Variants in TAOK1 observed in about 807,000 individuals in gnomAD.
The protein encoded by TAOK1 is serine/threonine-protein kinase TAO1.
A neutral mutation model predicts 138.3 loss-of-function variants in TAOK1; 21 were observed. The observed-to-expected ratio is 0.15, with a 90% CI of 0.11 to 0.22. The LOEUF is 0.22. Ranked by LOEUF, TAOK1 falls within the 10% of genes least tolerant of loss-of-function variation. The pLI, the probability that TAOK1 is intolerant of heterozygous loss-of-function variation, is 1.00. For synonymous variants in TAOK1, 361 were observed against 398.4 expected, an observed-to-expected ratio of 0.91 and a Z score of 1.12; for missense variants, 651 against 1,227.7, an observed-to-expected ratio of 0.53 and a Z score of 7.02.
chr17:29,399,714 T>C (rs1367030043), intron 1 of TAOK1, among the ~76,000 whole-genome samples: 1 of 152,056 alleles, frequency 6.6e-6, no homozygotes, highest in Admixed American at 6.6e-5. Context: ...AATGGACTAC[T>C]GTGTAGTACT....
intron 1 of TAOK1, among the ~76,000 whole-genome samples, chr17:29,423,823 G>T (rs550495746): frequency 6.6e-6 from 1 of 151,920 alleles, no homozygotes; most frequent in Admixed American, 6.6e-5. Flanking sequence ...AGAAGCAGGC[G>T]GATTGTTTGA....
At chr17:29,431,900 G>A (rs975396766) in intron 1 of TAOK1, among the ~76,000 whole-genome samples, 1 of 147,320 alleles carries the variant, frequency 6.8e-6, no homozygotes. Context: ...TCTGACTCCC[G>A]GGTTCAAGCG....
Position 29,478,288 on chromosome 17 carries a change from A to G in TAOK1, c.390A>G (p.Ala130=), listed in dbSNP as rs2030988824. The change falls in exon 6 of 20, where the codon GCA becomes GCG. Residue 130 remains alanine (A), a synonymous_variant. Coordinates refer to ENST00000261716, the MANE Select transcript of TAOK1 (RefSeq NM_020791.4). ...CATTACAAGAAGTGGAAATAGCAGC[A>G]ATTACACATGGTGCTCTTCAGGGAT... is the stretch of plus-strand genomic sequence containing the variant. ...KKPLQEVEIA[A]ITHGALQGLA... 2.5e-6 allele frequency: 4 copies of G among 1,602,262 alleles called. No individual in the cohort carries two copies. In the South Asian group the frequency reaches 4.6e-5, roughly 18 times the overall value.
At chr17:29,392,469 A>T (rs1904465423) in intron 1 of TAOK1, among the ~76,000 whole-genome samples, 1 of 152,142 alleles carries the variant, frequency 6.6e-6, no homozygotes, top group Non-Finnish European at 1.5e-5. Flanking sequence ...GTTTGTCTGA[A>T]AGCAGATCAT....
chr17:29,432,448 C>T (rs942636050), intron 1 of TAOK1, among the ~76,000 whole-genome samples: 1 of 152,222 alleles, frequency 6.6e-6, no homozygotes, highest in Non-Finnish European at 1.5e-5. Context: ...TGTCGCAGTG[C>T]TGCAGAGATT....
chr17:29,479,581 A>G (rs573585081), intron 6 of TAOK1, among the ~76,000 whole-genome samples: 2 of 152,200 alleles, frequency 1.3e-5, no homozygotes, highest in Non-Finnish European at 2.9e-5. Flanking sequence ...CAAATTTAAG[A>G]TACCTCTCCA....
intron 16 of TAOK1, among the ~76,000 whole-genome samples, chr17:29,519,898 T>G (rs992018212): frequency 3.3e-5 from 5 of 152,180 alleles, no homozygotes; most frequent in African/African-American, 1.2e-4. Flanking sequence ...CATAGATATT[T>G]ATTGAAACTT....
chr17:29,470,531 A>G (rs1355025311), intron 3 of TAOK1, among the ~76,000 whole-genome samples: 1 of 102,698 alleles, frequency 9.7e-6, no homozygotes, highest in East Asian at 1.0e-3. Flanking sequence ...TATCAATAAA[A>G]CTGTATTAAA....
intron 1 of TAOK1, among the ~76,000 whole-genome samples, chr17:29,416,820 ATCTTTTAT>A (rs1229111735): frequency 6.6e-6 from 1 of 152,088 alleles, no homozygotes; most frequent in African/African-American, 2.4e-5. Context: ...GGGCAGGGTT[ATCTTTTAT>A]TCTTTTATAT....
At chr17:29,422,118 CA>C (rs774845049) in intron 1 of TAOK1, among the ~76,000 whole-genome samples, 1 of 151,968 alleles carries the variant, frequency 6.6e-6, no homozygotes, top group Non-Finnish European at 1.5e-5. Flanking sequence ...AGGATGGTCT[CA>C]ATCTCCTGAC....
At chr17:29,395,891 C>T (rs1232084535) in intron 1 of TAOK1, among the ~76,000 whole-genome samples, 1 of 126,938 alleles carries the variant, frequency 7.9e-6, no homozygotes, top group Non-Finnish European at 1.6e-5. Context: ...TGGTCTTGAA[C>T]TCCTCAGCTC....
At chr17:29,487,392 A>T (rs1406678708) in intron 8 of TAOK1, among the ~76,000 whole-genome samples, 5 of 152,188 alleles carry the variant, frequency 3.3e-5, no homozygotes, top group African/African-American at 9.7e-5. Flanking sequence ...TTCAAATATA[A>T]GTATTCAATA....
chr17:29,406,081 A>G (rs1856611794), intron 1 of TAOK1, among the ~76,000 whole-genome samples: 1 of 152,120 alleles, frequency 6.6e-6, no homozygotes, highest in African/African-American at 2.4e-5. Context: ...GGGTTTCCCA[A>G]CCGTGGTAGT....
intron 1 of TAOK1, among the ~76,000 whole-genome samples, chr17:29,397,739 A>G (rs902834867): frequency 5.9e-5 from 7 of 119,144 alleles, no homozygotes; most frequent in African/African-American, 2.1e-4. Flanking sequence ...ACATATATAC[A>G]CGTATATATA....
At chr17:29,429,773 TA>T (rs1242501137) in intron 1 of TAOK1, among the ~76,000 whole-genome samples, 1 of 152,210 alleles carries the variant, frequency 6.6e-6, no homozygotes, top group Non-Finnish European at 1.5e-5. Context: ...GTTTTGTTAT[TA>T]ACTGTGACTT....
At chr17:29,466,304 T>A (rs2030666756) in intron 2 of TAOK1, among the ~76,000 whole-genome samples, 1 of 152,056 alleles carries the variant, frequency 6.6e-6, no homozygotes, top group South Asian at 2.1e-4. Flanking sequence ...CCACTACACC[T>A]GGCTGATTTT....
At chr17:29,531,171 G>GTAA (rs1386468740) in intron 18 of TAOK1, among the ~76,000 whole-genome samples, 1 of 150,658 alleles carries the variant, frequency 6.6e-6, no homozygotes, top group Non-Finnish European at 1.5e-5. Flanking sequence ...GTTTTACCGT[G>GTAA]TTAGCCAGGA....
chr17:29,490,509 A>G (rs2031276303), intron 9 of TAOK1, among the ~76,000 whole-genome samples: 1 of 152,248 alleles, frequency 6.6e-6, no homozygotes, highest in Non-Finnish European at 1.5e-5. Flanking sequence ...TAAAGAGTAC[A>G]TAATTATGGC....
At chr17:29,409,459 C>T (rs1433694841) in intron 1 of TAOK1, among the ~76,000 whole-genome samples, 1 of 150,870 alleles carries the variant, frequency 6.6e-6, no homozygotes, top group Non-Finnish European at 1.5e-5. Flanking sequence ...CTCAGCCTCT[C>T]GAGTAGCTGG....
Sources: gnomAD v4.1 joint callset for allele counts (sites outside exome capture counted in the v4.1 genomes callset) on GRCh38, gnomAD v4.1.1 for gene constraint, MANE v1.5 for transcripts, NCBI Gene and HGNC (gene_info 2026-07-23, HGNC 2026-07-21) for gene names.